The following LRRTM4 variants were observed in gnomAD, a reference collection of about 807,000 sequenced individuals.
LRRTM4 encodes the protein leucine rich repeat transmembrane neuronal 4.
In LRRTM4, 25 loss-of-function variants were observed where a neutral mutation model predicts 47.6. The ratio of observed to expected loss-of-function variants is 0.53; its 90% CI spans 0.38 to 0.73. The LOEUF is 0.73. Among genes scored for constraint, LRRTM4 ranks in the 30% least tolerant of loss-of-function variants. The pLI, the probability that LRRTM4 is intolerant of heterozygous loss-of-function variation, is 0.00. For missense variants in LRRTM4, 638 were observed against 713.4 expected (o/e 0.89, Z 1.20); for synonymous variants, 311 against 269.5 (o/e 1.15, Z -1.51).
chr2:76,814,838 AG>A (rs1670854175), intron 3 of LRRTM4, among the ~76,000 whole-genome samples: 1 of 151,486 alleles, frequency 6.6e-6, no homozygotes, highest in Non-Finnish European at 1.5e-5. Flanking sequence ...CACACACAAA[AG>A]CATACCCCAT....
chr2:77,470,403 GT>G (rs374186840), intron 3 of LRRTM4, among the ~76,000 whole-genome samples: 367 of 152,210 alleles, frequency 2.4e-3, no homozygotes, highest in African/African-American at 7.6e-3. Flanking sequence ...CAAAGCAAGT[GT>G]TTGAAAGCAT....
intron 3 of LRRTM4, among the ~76,000 whole-genome samples, chr2:77,114,140 C>G (rs115670874): frequency 4.0e-4 from 61 of 152,130 alleles, no homozygotes; most frequent in African/African-American, 1.3e-3. Context: ...ACTGTAGTAA[C>G]TGCAGGGGGT....
At chr2:77,187,353 C>T (rs1377523825) in intron 3 of LRRTM4, among the ~76,000 whole-genome samples, 4 of 151,882 alleles carry the variant, frequency 2.6e-5, no homozygotes. Flanking sequence ...GAGAACACTT[C>T]TTCAGCAAAT....
chr2:76,776,600 G>A (rs1573082574), intron 3 of LRRTM4, among the ~76,000 whole-genome samples: 1 of 152,050 alleles, frequency 6.6e-6, no homozygotes, highest in African/African-American at 2.4e-5. Context: ...CTTTTTGATA[G>A]GGTTGTTTGT....
intron 3 of LRRTM4, among the ~76,000 whole-genome samples, chr2:77,013,902 A>G (rs190653730): frequency 6.6e-6 from 1 of 152,210 alleles, no homozygotes; most frequent in African/African-American, 2.4e-5. Flanking sequence ...TCAGTGCTTC[A>G]GTTTCCTGTA....
chr2:76,933,392 T>C lies in LRRTM4; in HGVS notation c.1552-184476A>G, dbSNP rs78417823. On this transcript the variant is annotated intron_variant, in intron 3 of 3. Coordinates refer to ENST00000409884, the MANE Select transcript of LRRTM4 (RefSeq NM_001134745.3). Reference sequence around the variant, plus strand: ...ATTCTCACACGGTCATACAAATACCTGCTTGCCTGCAGAGGTATATTTTTT... The same window carrying C: ...ATTCTCACACGGTCATACAAATACCCGCTTGCCTGCAGAGGTATATTTTTT... Among the ~76,000 whole-genome samples the C allele has an allele frequency of 9.1e-3, 1,384 of 152,238 alleles. 9 individuals carry two copies. Among genetic ancestry groups the C allele is most frequent in the Non-Finnish European group, 0.014 (965 of 67,984 alleles).
intron 1 of LRRTM4, 100 bp downstream of exon 1, chr2:77,522,009 C>T (rs1679534407): frequency 1.4e-6 from 1 of 693,754 alleles, no homozygotes; most frequent in Non-Finnish European, 2.7e-6. Context: ...AGAGACCCAT[C>T]AGCAGTAATT....
At chr2:77,404,266 TATTGTA>T (rs1425930410) in intron 3 of LRRTM4, among the ~76,000 whole-genome samples, 2 of 152,010 alleles carry the variant, frequency 1.3e-5, no homozygotes, top group African/African-American at 4.8e-5. Flanking sequence ...AATTTGCAAT[TATTGTA>T]ATTGTATCCT....
At chr2:76,889,368 G>C (rs2104147188) in intron 3 of LRRTM4, among the ~76,000 whole-genome samples, 1 of 151,894 alleles carries the variant, frequency 6.6e-6, no homozygotes, top group South Asian at 2.1e-4. Context: ...ATTCCTTTTT[G>C]TCCATATAGT....
chr2:77,103,667 A>ATATATATATATATATATATCTATC, intron 3 of LRRTM4, among the ~76,000 whole-genome samples: 1 of 146,284 alleles, frequency 6.8e-6, no homozygotes, highest in East Asian at 2.1e-4. Context: ...ATATATAGAT[A>ATATATATATATATATATATCTATC]TATATATCAC....
intron 3 of LRRTM4, among the ~76,000 whole-genome samples, chr2:76,780,561 G>C (rs1403418169): frequency 1.3e-5 from 2 of 151,970 alleles, no homozygotes; most frequent in Non-Finnish European, 2.9e-5. Flanking sequence ...CGGCTCCTGA[G>C]GCTTCTGCAT....
intron 3 of LRRTM4, among the ~76,000 whole-genome samples, chr2:76,856,141 G>A (rs1229815482): frequency 2.6e-5 from 4 of 152,088 alleles, no homozygotes; most frequent in East Asian, 3.9e-4. Context: ...GCCCAGCATC[G>A]TGGCTGACGC....
In LRRTM4 at chr2:77,255,063, A is replaced by G. The variant is rs141791633; in HGVS notation, c.1551+263255T>C. Among the ~76,000 whole-genome samples, 32 of 152,122 alleles carry G rather than the reference A, an allele frequency of 2.1e-4. No homozygotes were observed. In the East Asian group the frequency reaches 4.4e-3, roughly 21 times the overall value. On this transcript the variant is annotated intron_variant, in intron 3 of 3. Coordinates refer to ENST00000409884, the MANE Select transcript of LRRTM4 (RefSeq NM_001134745.3). ...AGAAACTCACTTAAAATATGATGATATATGTGGTTTAAAAGTAAAAGTATA... is the reference window on the plus strand; with the variant it reads ...AGAAACTCACTTAAAATATGATGATGTATGTGGTTTAAAAGTAAAAGTATA...
chr2:77,192,247 G>A (rs528894225), intron 3 of LRRTM4, among the ~76,000 whole-genome samples: 24 of 152,070 alleles, frequency 1.6e-4, no homozygotes, highest in Admixed American at 3.9e-4. Flanking sequence ...AAAATAAAGA[G>A]CTACATTGTT....
chr2:77,242,756 A>C (rs1475084654), intron 3 of LRRTM4, among the ~76,000 whole-genome samples: 1 of 152,146 alleles, frequency 6.6e-6, no homozygotes, highest in Non-Finnish European at 1.5e-5. Context: ...AGAAATTAGA[A>C]CCCCTTTGCT....
At chr2:77,082,527 G>T (rs1680565602) in intron 3 of LRRTM4, among the ~76,000 whole-genome samples, 1 of 151,918 alleles carries the variant, frequency 6.6e-6, no homozygotes, top group Non-Finnish European at 1.5e-5. Flanking sequence ...TTTACCTATA[G>T]AATTTATTGT....
intron 3 of LRRTM4, among the ~76,000 whole-genome samples, chr2:76,911,038 A>G (rs2103779017): frequency 6.6e-6 from 1 of 152,338 alleles, no homozygotes; most frequent in Non-Finnish European, 1.5e-5. Context: ...GAATACAAGG[A>G]ATTCCATTTT....
intron 3 of LRRTM4, among the ~76,000 whole-genome samples, chr2:76,903,114 G>C (rs1673698650): frequency 6.6e-6 from 1 of 152,156 alleles, no homozygotes; most frequent in Non-Finnish European, 1.5e-5. Flanking sequence ...GCTCGTGCCT[G>C]TAATTCCAGC....
chr2:77,444,275 C>T (rs1675959510), intron 3 of LRRTM4, among the ~76,000 whole-genome samples: 1 of 152,126 alleles, frequency 6.6e-6, no homozygotes, highest in African/African-American at 2.4e-5. Context: ...CATGGGTACA[C>T]ACTGAGCAAG....
Sources: gnomAD v4.1 joint callset for allele counts (sites outside exome capture counted in the v4.1 genomes callset) on GRCh38, gnomAD v4.1.1 for gene constraint, MANE v1.5 for transcripts, NCBI Gene and HGNC (gene_info 2026-07-23, HGNC 2026-07-21) for gene names.